ZSCAN5A: variants seen among roughly 807,000 people sequenced by gnomAD.
ZSCAN5A encodes the protein zinc finger and SCAN domain-containing protein 5A.
A neutral mutation model predicts 23.7 loss-of-function variants in ZSCAN5A; 12 were observed. The observed-to-expected ratio is 0.51, with a 90% confidence interval of 0.32 to 0.82. The LOEUF is 0.82. Ranked by LOEUF, ZSCAN5A falls within the 40% of genes least tolerant of loss-of-function variation. The pLI, the probability that ZSCAN5A is intolerant of heterozygous loss-of-function variation, is 0.03. For synonymous variants in ZSCAN5A, 257 were observed against 239.9 expected (o/e 1.07, Z -0.66); for missense variants, 597 against 617.9 (o/e 0.97, Z 0.36).
At chr19:56,348,802 A>G (rs1396389423) in intron 2 of ZSCAN5A, among the ~76,000 whole-genome samples, 1 of 152,232 alleles carries the variant, frequency 6.6e-6, no homozygotes, top group Non-Finnish European at 1.5e-5. Flanking sequence ...AAAAGGAAAC[A>G]AGGTAGCCGA....
At chr19:56,264,910 TC>T (rs2037364191) in intron 2 of ZSCAN5A, among the ~76,000 whole-genome samples, 1 of 152,070 alleles carries the variant, frequency 6.6e-6, no homozygotes, top group African/African-American at 2.4e-5. Context: ...TCACTTGAGG[TC>T]AAGAGTTCAA....
Position 56,221,950 on chromosome 19 carries a change from G to A in ZSCAN5A, c.1116C>T (p.Val372=), listed in dbSNP as rs2033241355. 1 of 1,614,036 alleles carries A rather than the reference G, an allele frequency of 6.2e-7. No individual in the cohort carries two copies. The highest frequency in any genetic ancestry group is 1.3e-5 in the African/African-American group (1 of 74,914). ...CGCCTGTGTGTGATCTCTTGTGGAT[G>A]ACTAGCTTGGAATTACACGTAAACC... ...EKRFTCNSKL[V]IHKRSHTGER... Residue 372 remains valine (V), a synonymous_variant, in exon 6 of 6, where the codon GTC becomes GTT. Transcript: ENST00000683990.
chr19:56,252,757 G>A (rs1178472628), intron 2 of ZSCAN5A, among the ~76,000 whole-genome samples: 5 of 152,246 alleles, frequency 3.3e-5, no homozygotes, highest in Non-Finnish European at 5.9e-5. Context: ...GGTTGGGCAA[G>A]GGTGGGACCA....
rs1247971302 is a variant in ZSCAN5A, at chr19:56,245,852, T to C, written c.-127-20679A>G. 1.1e-4 allele frequency among the ~76,000 whole-genome samples: 16 copies of C among 152,056 alleles called. No individual in the cohort carries two copies. In the South Asian group the frequency reaches 1.5e-3, roughly 14 times the overall value. Reference sequence around the variant, plus strand: ...CAGGACACATGGCCATGTCTGGAGATGTGTTTGTGTGTCATTGTAGGGGGT... The same window carrying C: ...CAGGACACATGGCCATGTCTGGAGACGTGTTTGTGTGTCATTGTAGGGGGT... On this transcript the variant is annotated intron_variant, in intron 2 of 5. Transcript: ENST00000683990.
intron 1 of ZSCAN5A, among the ~76,000 whole-genome samples, chr19:56,363,936 C>T (rs896218075): frequency 2.0e-5 from 3 of 152,134 alleles, no homozygotes; most frequent in African/African-American, 7.2e-5. Flanking sequence ...AAGAGAAAAG[C>T]CTATTTTCAA....
At chr19:56,275,117 G>A (rs1371716403) in intron 2 of ZSCAN5A, among the ~76,000 whole-genome samples, 1 of 152,144 alleles carries the variant, frequency 6.6e-6, no homozygotes, top group African/African-American at 2.4e-5. Flanking sequence ...TAGTCCCTCG[G>A]CTAAGGTGGT....
chr19:56,272,440 A>G (rs1411390578), intron 2 of ZSCAN5A, among the ~76,000 whole-genome samples: 1 of 152,226 alleles, frequency 6.6e-6, no homozygotes, highest in African/African-American at 2.4e-5. Flanking sequence ...ATTCATGGAC[A>G]CTGAAATTCA....
chr19:56,362,652 G>C (rs928370698), intron 2 of ZSCAN5A, among the ~76,000 whole-genome samples: 1 of 152,160 alleles, frequency 6.6e-6, no homozygotes, highest in African/African-American at 2.4e-5. Context: ...GGCAGATCAC[G>C]AGGTCAGGAG....
intron 2 of ZSCAN5A, among the ~76,000 whole-genome samples, chr19:56,269,080 GTGAACATTCGTGTGTGAATATTTGTGTAA>G (rs1316709088): frequency 6.6e-6 from 1 of 152,170 alleles, no homozygotes; most frequent in Non-Finnish European, 1.5e-5. Flanking sequence ...TAGTGTCGCT[GTGAACATTCGTGTGTGAATATTTGTGTAA>G]TTACCTGTTT....
In ZSCAN5A at chr19:56,243,402, A is replaced by G. The variant is rs569051463; in HGVS notation, c.-127-18229T>C. On this transcript the variant is annotated intron_variant, in intron 2 of 5. Coordinates refer to ENST00000683990, the MANE Select transcript of ZSCAN5A (RefSeq NM_001322064.3). ...GAATGTGCATTTTACCAAAATAGCA[A>G]TATCTGTGTAGGAGTTGAATTCTCA... Among the ~76,000 whole-genome samples the G allele has an allele frequency of 1.6e-4, 21 of 133,738 alleles. No individual in the cohort carries two copies. In the South Asian group the frequency reaches 6.1e-3, roughly 39 times the overall value. The allele number at this position is 133,738 out of a possible 152,430, so 87.7% of individuals were successfully genotyped here.
At chr19:56,252,819 T>C (rs1393270870) in intron 2 of ZSCAN5A, among the ~76,000 whole-genome samples, 1 of 152,170 alleles carries the variant, frequency 6.6e-6, no homozygotes, top group Non-Finnish European at 1.5e-5. Context: ...GGGCCAAGGC[T>C]GGTGGCTGGA....
chr19:56,347,655 T>A (rs566139296), intron 2 of ZSCAN5A: 14 of 152,344 alleles, frequency 9.2e-5, no homozygotes, highest in Admixed American at 3.9e-4. Context: ...AAGGCACTAA[T>A]AGAGTATACC....
chr19:56,223,135 C>G (rs1599969008), intron 4 of ZSCAN5A, among the ~76,000 whole-genome samples: 1 of 152,122 alleles, frequency 6.6e-6, no homozygotes, highest in African/African-American at 2.4e-5. Context: ...CTGTGCAGAG[C>G]AGAGACCCCA....
chr19:56,302,979 AG>A (rs2040445422), intron 2 of ZSCAN5A: 2 of 397,706 alleles, frequency 5.0e-6, no homozygotes, highest in Admixed American at 8.8e-5. Flanking sequence ...GCACTTCATG[AG>A]CAGGTGCTAG....
chr19:56,263,039 C>G (rs2037235024), intron 2 of ZSCAN5A, among the ~76,000 whole-genome samples: 1 of 152,178 alleles, frequency 6.6e-6, no homozygotes, highest in Admixed American at 6.5e-5. Context: ...CATAGAGACA[C>G]TTGGTAGAGA....
chr19:56,240,883 T>A (rs1036538411), intron 2 of ZSCAN5A, among the ~76,000 whole-genome samples: 1 of 152,140 alleles, frequency 6.6e-6, no homozygotes, highest in Non-Finnish European at 1.5e-5. Context: ...CTACATTTTA[T>A]TTTTTTGTAG....
At chr19:56,271,040 A>G (rs562544427) in intron 2 of ZSCAN5A, among the ~76,000 whole-genome samples, 1 of 152,370 alleles carries the variant, frequency 6.6e-6, no homozygotes, top group South Asian at 2.1e-4. Flanking sequence ...CATTTGTTGC[A>G]TTTAAACCCT....
intron 2 of ZSCAN5A, chr19:56,347,958 AGGCCAG>A (rs1275226880): frequency 6.6e-6 from 1 of 152,272 alleles, no homozygotes; most frequent in Non-Finnish European, 1.5e-5. Context: ...TTGATGTGGC[AGGCCAG>A]GGCATTTTAA....
chr19:56,363,284 C>G (rs117325960), exon 2 of ZSCAN5A: 1 of 152,258 alleles, frequency 6.6e-6, no homozygotes, highest in Non-Finnish European at 1.5e-5. Flanking sequence ...TGAATTCATC[C>G]TCTTCCTACT....
Sources: gnomAD v4.1 joint callset for allele counts (sites outside exome capture counted in the v4.1 genomes callset) on GRCh38, gnomAD v4.1.1 for gene constraint, MANE v1.5 for transcripts, NCBI Gene and HGNC (gene_info 2026-07-23, HGNC 2026-07-21) for gene names.